COL23A1: variants seen among roughly 807,000 people sequenced by gnomAD.
COL23A1 encodes the protein collagen type XXIII alpha 1 chain.
A neutral mutation model predicts 99.3 loss-of-function variants in COL23A1; 97 were observed. The ratio of observed to expected loss-of-function variants is 0.98; its 90% CI spans 0.83 to 1.16. COL23A1 has a LOEUF of 1.16. Among genes scored for constraint, COL23A1 ranks in the 50% most tolerant of loss-of-function variants. The pLI, the probability that COL23A1 is intolerant of heterozygous loss-of-function variation, is 0.00. For synonymous variants in COL23A1, 320 were observed against 308.2 expected, an observed-to-expected ratio of 1.04 and a Z score of -0.40; for missense variants, 762 against 757.4, an observed-to-expected ratio of 1.01 and a Z score of -0.07.
Position 178,365,822 on chromosome 5 carries a change from C to A in COL23A1, c.362-58903G>T, listed in dbSNP as rs1762443166. ...GGGCCCACTCCCCCTACCCTCAGCGCTGGGCACTGGCTTGTGATGGTCTCC... is the reference window on the plus strand; with the variant it reads ...GGGCCCACTCCCCCTACCCTCAGCGATGGGCACTGGCTTGTGATGGTCTCC... On this transcript the variant is annotated intron_variant, in intron 2 of 28. Transcript: ENST00000390654. The surrounding 1 kb of genome is among the most constrained non-coding windows in gnomAD (Gnocchi z 5.2). Among the ~76,000 whole-genome samples, 2 of 152,190 alleles carry A rather than the reference C, an allele frequency of 1.3e-5. No homozygotes were observed. The highest frequency in any genetic ancestry group is 4.1e-4 in the South Asian group (2 of 4,830).
At position 178,470,848 on chromosome 5, in the gene COL23A1, C is replaced by T. The variant is rs1204110444; in HGVS notation, c.361+89834G>A. On this transcript the variant is annotated intron_variant, in intron 2 of 28. Coordinates refer to ENST00000390654, the MANE Select transcript of COL23A1 (RefSeq NM_173465.4). Reference sequence around the variant, plus strand: ...GAGCGGCCGTTCATGCTGAGAGCTGCGCTGGAGAAGCCTGTGTGAAGGCTG... The same window carrying T: ...GAGCGGCCGTTCATGCTGAGAGCTGTGCTGGAGAAGCCTGTGTGAAGGCTG... Among the ~76,000 whole-genome samples, 8 of 152,210 alleles carry T rather than the reference C, an allele frequency of 5.3e-5. No homozygotes were observed. The South Asian group carries it at 6.2e-4, about 12-fold the overall frequency.
intron 2 of COL23A1, among the ~76,000 whole-genome samples, chr5:178,416,087 T>C (rs755796429): frequency 2.8e-4 from 43 of 151,402 alleles, no homozygotes; most frequent in Non-Finnish European, 4.7e-4. Context: ...GTCTAAACCC[T>C]CCCATTCATT....
At chr5:178,335,462 C>T in intron 2 of COL23A1, among the ~76,000 whole-genome samples, 1 of 152,216 alleles carries the variant, frequency 6.6e-6, no homozygotes, top group Non-Finnish European at 1.5e-5. Flanking sequence ...AAGATGTCAG[C>T]TGCTTAGATC....
At position 178,544,136 on chromosome 5, in the gene COL23A1, C is replaced by CT. The variant is rs1761448725; in HGVS notation, c.361+16545dup. Among the ~76,000 whole-genome samples the CT allele has an allele frequency of 6.6e-6, 1 of 152,158 alleles. No individual in the cohort carries two copies. The highest frequency in any genetic ancestry group is 1.5e-5 in the Non-Finnish European group (1 of 68,012). ...GCATAATCTCCGGGGCATGTCCCTC[C>CT]TTACACTCTCCCTCCTCCTGCAAGC... On this transcript the variant is annotated intron_variant, in intron 2 of 28. Coordinates refer to ENST00000390654, the MANE Select transcript of COL23A1 (RefSeq NM_173465.4). The surrounding 1 kb of genome is among the most constrained non-coding windows in gnomAD (Gnocchi z 4.4).
intron 1 of COL23A1, among the ~76,000 whole-genome samples, chr5:178,573,352 C>T (rs1375267061): frequency 6.6e-6 from 1 of 152,202 alleles, no homozygotes; most frequent in African/African-American, 2.4e-5. Context: ...GGTAAAGCAC[C>T]CAGCAGAGTC....
rs1757405072 is a variant in COL23A1, at chr5:178,290,612, T to C, written c.407-243A>G. Among the ~76,000 whole-genome samples, 3 of 152,192 alleles carry C rather than the reference T, an allele frequency of 2.0e-5. No homozygotes were observed. In the South Asian group the frequency reaches 6.2e-4, roughly 32 times the overall value. ...GTGGTGGTGACAGTTCCCACATGCATGGGTGCATGCATTCATGTCACCAGG... is the reference window on the plus strand; with the variant it reads ...GTGGTGGTGACAGTTCCCACATGCACGGGTGCATGCATTCATGTCACCAGG... On this transcript the variant is annotated intron_variant, in intron 3 of 28. Coordinates refer to ENST00000390654, the MANE Select transcript of COL23A1 (RefSeq NM_173465.4).
intron 1 of COL23A1, among the ~76,000 whole-genome samples, chr5:178,576,186 A>G (rs1253972865): frequency 6.6e-6 from 1 of 152,180 alleles, no homozygotes; most frequent in Non-Finnish European, 1.5e-5. Flanking sequence ...CCTAAAGCAT[A>G]CTGGCTGAAA....
intron 1 of COL23A1, among the ~76,000 whole-genome samples, chr5:178,578,051 ACACACCCACATG>A (rs1763471517): frequency 6.6e-6 from 1 of 151,616 alleles, no homozygotes; most frequent in East Asian, 1.9e-4. Context: ...ACGTGCATGC[ACACACCCACATG>A]CACACACACA....
chr5:178,364,547 G>A (rs902833556), intron 2 of COL23A1, among the ~76,000 whole-genome samples: 4 of 151,516 alleles, frequency 2.6e-5, no homozygotes, highest in East Asian at 1.9e-4. Context: ...CATCCCTCAC[G>A]GGCCGTCTTC....
At chr5:178,478,553 C>T (rs533193034) in intron 2 of COL23A1, among the ~76,000 whole-genome samples, 12 of 152,308 alleles carry the variant, frequency 7.9e-5, no homozygotes, top group East Asian at 7.7e-4. Flanking sequence ...GCCCACAGTC[C>T]GGGAAACATC....
chr5:178,551,762 C>T (rs1039606899), intron 2 of COL23A1, among the ~76,000 whole-genome samples: 2 of 152,202 alleles, frequency 1.3e-5, no homozygotes, highest in Non-Finnish European at 2.9e-5. Flanking sequence ...TGAGCACCCC[C>T]TCAGGGGCCC....
At chr5:178,570,615 C>T (rs1226184965) in intron 1 of COL23A1, among the ~76,000 whole-genome samples, 1 of 152,172 alleles carries the variant, frequency 6.6e-6, no homozygotes, top group Non-Finnish European at 1.5e-5. Flanking sequence ...ACATCAACAA[C>T]AAAAGCCACA....
chr5:178,455,985 T>C (rs1767769273), intron 2 of COL23A1, among the ~76,000 whole-genome samples: 1 of 151,966 alleles, frequency 6.6e-6, no homozygotes, highest in Non-Finnish European at 1.5e-5. Flanking sequence ...GGGACTTGAG[T>C]TGTTAAGGTG....
chr5:178,425,867 A>G (rs753765705), intron 2 of COL23A1, among the ~76,000 whole-genome samples: 2 of 152,228 alleles, frequency 1.3e-5, no homozygotes, highest in Non-Finnish European at 2.9e-5. Flanking sequence ...GCCGTGGCAG[A>G]GGCATCTTCT....
chr5:178,457,711 G>A (rs370157841), intron 2 of COL23A1, among the ~76,000 whole-genome samples: 43 of 152,296 alleles, frequency 2.8e-4, no homozygotes, highest in African/African-American at 9.9e-4. Flanking sequence ...TGGAGGCAGT[G>A]CTGTGATTAT....
At chr5:178,358,002 A>ATGTATG (rs1761821684) in intron 2 of COL23A1, among the ~76,000 whole-genome samples, 15 of 106,776 alleles carry the variant, frequency 1.4e-4, no homozygotes, top group South Asian at 9.6e-4. Context: ...GTGTGTGTAT[A>ATGTATG]TGTATGTGTG....
intron 2 of COL23A1, among the ~76,000 whole-genome samples, chr5:178,529,912 G>A (rs1047474705): frequency 6.6e-6 from 1 of 152,174 alleles, no homozygotes; most frequent in Non-Finnish European, 1.5e-5. Flanking sequence ...TGTTTTGTAA[G>A]GTAGCATCTC....
intron 2 of COL23A1, among the ~76,000 whole-genome samples, chr5:178,406,205 A>G (rs996401548): frequency 6.6e-6 from 1 of 152,206 alleles, no homozygotes; most frequent in African/African-American, 2.4e-5. Context: ...AATAACTAAA[A>G]GAACAAGATA....
At chr5:178,555,429 G>A (rs919795666) in intron 2 of COL23A1, among the ~76,000 whole-genome samples, 11 of 152,080 alleles carry the variant, frequency 7.2e-5, no homozygotes, top group African/African-American at 2.4e-4. Context: ...CTATACTGGC[G>A]GCCACCTTCC....
Sources: allele counts gnomAD v4.1 joint callset (sites outside exome capture counted in the v4.1 genomes callset), GRCh38; gene constraint gnomAD v4.1.1; non-coding constraint Gnocchi (gnomAD v3.1); transcripts MANE v1.5; gene names NCBI Gene and HGNC (gene_info 2026-07-23, HGNC 2026-07-21).